The following LY6S variants were observed in gnomAD, a reference collection of about 807,000 sequenced individuals.
The protein encoded by LY6S is lymphocyte antigen 6 family member S.
At chr8:143,043,408 C>G in the LY6S span, 1 of 405,716 alleles carries the variant, frequency 2.5e-6, no homozygotes, top group African/African-American at 2.1e-5. Context: ...TGCAGGGAGG[C>G]TCCGCACCCC....
the LY6S span, among the ~76,000 whole-genome samples, chr8:143,074,931 C>G: frequency 9.5e-4 from 144 of 152,300 alleles, no homozygotes; most frequent in Non-Finnish European, 1.7e-3. Flanking sequence ...CAGATTTGCA[C>G]CCACCATTTT....
At chr8:143,066,081 G>T in the LY6S span, 1 of 414,118 alleles carries the variant, frequency 2.4e-6, no homozygotes, top group Non-Finnish European at 4.6e-6. Context: ...AAGCACATAG[G>T]CATCGAAGAC....
chr8:143,064,406 T>G, the LY6S span, among the ~76,000 whole-genome samples: 1 of 152,222 alleles, frequency 6.6e-6, no homozygotes, highest in Non-Finnish European at 1.5e-5. Context: ...TATCCACAGG[T>G]TGCTAGATGG....
chr8:143,075,760 T>G, the LY6S span, among the ~76,000 whole-genome samples: 2 of 152,224 alleles, frequency 1.3e-5, no homozygotes, highest in African/African-American at 4.8e-5. The surrounding 1 kb of genome is among the most constrained non-coding windows in gnomAD (Gnocchi z 4.1). Flanking sequence ...TAGGGTTAGA[T>G]TTTTCTCAGG....
chr8:143,040,844 T>A, the LY6S span, among the ~76,000 whole-genome samples: 2 of 152,080 alleles, frequency 1.3e-5, no homozygotes, highest in African/African-American at 4.8e-5. Context: ...AGAGAGAAAT[T>A]TCAAAGCTGG....
At chr8:143,062,890 T>C in the LY6S span, among the ~76,000 whole-genome samples, 1 of 152,208 alleles carries the variant, frequency 6.6e-6, no homozygotes, top group Non-Finnish European at 1.5e-5. Flanking sequence ...AGTTTTAGAA[T>C]AGCCAGGGCA....
the LY6S span, among the ~76,000 whole-genome samples, chr8:143,070,466 TATATATATAAATATATATATATA>T: frequency 5.8e-4 from 23 of 39,356 alleles, 2 homozygotes; most frequent in African/African-American, 1.7e-3. Context: ...ATATATATAA[TATATATATAAATATATATATATA>T]TTTTTTTTTT....
chr8:143,041,436 C>T, the LY6S span, among the ~76,000 whole-genome samples: 2 of 152,228 alleles, frequency 1.3e-5, no homozygotes, highest in African/African-American at 4.8e-5. Flanking sequence ...CTCTTGTTCC[C>T]TGAACGTTGC....
chr8:143,052,496 G>A, the LY6S span, among the ~76,000 whole-genome samples: 1 of 152,184 alleles, frequency 6.6e-6, no homozygotes, highest in Admixed American at 6.5e-5. Flanking sequence ...CTCCTGCTGA[G>A]GACTGGCAGG....
chr8:143,069,540 G>T, the LY6S span, among the ~76,000 whole-genome samples: 12 of 152,290 alleles, frequency 7.9e-5, no homozygotes, highest in African/African-American at 2.9e-4. Context: ...GTAATTAACA[G>T]CCCGGCCATA....
At chr8:143,042,843 T>C in the LY6S span, 1 of 423,130 alleles carries the variant, frequency 2.4e-6, no homozygotes, top group East Asian at 7.0e-5. Context: ...CAGCCAGTGG[T>C]GGGGCCTGGT....
the LY6S span, among the ~76,000 whole-genome samples, chr8:143,041,216 C>A: frequency 1.3e-5 from 2 of 152,148 alleles, no homozygotes; most frequent in Non-Finnish European, 2.9e-5. Context: ...GAGACTGGGG[C>A]TTATTTCATC....
chr8:143,045,357 G>T, the LY6S span, among the ~76,000 whole-genome samples: 1 of 152,118 alleles, frequency 6.6e-6, no homozygotes, highest in Non-Finnish European at 1.5e-5. This position sits in a 1 kb window ranked among gnomAD's most constrained non-coding sequence, Gnocchi z 5.3. Flanking sequence ...TCATTCCAGG[G>T]TGCTAGTGCA....
the LY6S span, among the ~76,000 whole-genome samples, chr8:143,070,489 A>ATTTTTTTTTTTTT: frequency 6.1e-5 from 5 of 81,712 alleles, no homozygotes; most frequent in East Asian, 4.5e-4. Context: ...ATATATATAT[A>ATTTTTTTTTTTTT]TTTTTTTTTT....
the LY6S span, among the ~76,000 whole-genome samples, chr8:143,070,485 A>AT: frequency 2.4e-5 from 2 of 84,880 alleles, no homozygotes; most frequent in Admixed American, 1.3e-4. Context: ...AAATATATAT[A>AT]TATATTTTTT....
At chr8:143,049,150 G>A in the LY6S span, 23 of 534,520 alleles carry the variant, frequency 4.3e-5, no homozygotes, top group East Asian at 1.0e-3. Flanking sequence ...TCATGGTCCA[G>A]CTTGGCTCGG....
the LY6S span, among the ~76,000 whole-genome samples, chr8:143,055,192 G>GT: frequency 6.8e-4 from 102 of 150,348 alleles, no homozygotes; most frequent in East Asian, 3.9e-3. Context: ...GACCAACTTT[G>GT]TTTTTTTTTT....
At chr8:143,064,503 G>A in the LY6S span, among the ~76,000 whole-genome samples, 1 of 152,170 alleles carries the variant, frequency 6.6e-6, no homozygotes, top group African/African-American at 2.4e-5. Context: ...AATATACCCA[G>A]TTTTTCGATT....
At chr8:143,073,016 C>A in the LY6S span, among the ~76,000 whole-genome samples, 8 of 130,500 alleles carry the variant, frequency 6.1e-5, no homozygotes, top group East Asian at 4.6e-4. Flanking sequence ...AGGAGACAGC[C>A]GTCGTCCCCG....
Sources: allele counts gnomAD v4.1 joint callset (sites outside exome capture counted in the v4.1 genomes callset), GRCh38; gene constraint gnomAD v4.1.1; non-coding constraint Gnocchi (gnomAD v3.1); transcripts MANE v1.5; gene names NCBI Gene and HGNC (gene_info 2026-07-23, HGNC 2026-07-21).